The following C1D variants were observed in gnomAD, a reference collection of about 807,000 sequenced individuals.
The protein encoded by C1D is nuclear nucleic acid-binding protein C1D.
A neutral mutation model predicts 17.5 loss-of-function variants in C1D; 10 were observed. That is an observed-to-expected ratio of 0.57 (90% CI 0.35 to 0.97). The LOEUF (loss-of-function observed/expected upper bound fraction) is 0.97, where lower values mean the gene tolerates loss of function less well. C1D is among the 50% of genes least tolerant of loss of function. C1D has a pLI of 0.01. For missense variants in C1D, 136 were observed against 160.1 expected, an observed-to-expected ratio of 0.85 and a Z score of 0.81; for synonymous variants, 49 against 54.0, an observed-to-expected ratio of 0.91 and a Z score of 0.40.
At chr2:68,050,720 T>C (rs564801783) in intron 1 of C1D, among the ~76,000 whole-genome samples, 18 of 152,318 alleles carry the variant, frequency 1.2e-4, no homozygotes, top group Admixed American at 5.9e-4. Context: ...GGGTTTTAAA[T>C]TGCTTTAGTA....
rs113154814 is a variant in C1D, at chr2:68,062,365, T to C, written c.-10+593A>G. ...AAACATTGAGGACATTAAAGCTATTTTGAAACAAGTTTGAGTTACACTGAA... is the reference window on the plus strand; with the variant it reads ...AAACATTGAGGACATTAAAGCTATTCTGAAACAAGTTTGAGTTACACTGAA... On this transcript the variant is annotated intron_variant, in intron 1 of 4. Coordinates refer to ENST00000410067, the MANE Select transcript of C1D (RefSeq NM_173177.3). Among the ~76,000 whole-genome samples the C allele has an allele frequency of 7.1e-3, 1,085 of 152,294 alleles. 12 individuals carry two copies. The highest frequency in any genetic ancestry group is 0.012 in the Non-Finnish European group (835 of 68,024).
intron 1 of C1D, among the ~76,000 whole-genome samples, chr2:68,055,411 A>C (rs1295121158): frequency 6.6e-6 from 1 of 152,140 alleles, no homozygotes; most frequent in Non-Finnish European, 1.5e-5. Flanking sequence ...ACAAATATGG[A>C]GTGAGAAATA....
At chr2:68,048,432 T>C (rs74829184) in intron 1 of C1D, among the ~76,000 whole-genome samples, 23 of 152,302 alleles carry the variant, frequency 1.5e-4, no homozygotes, top group African/African-American at 5.3e-4. Context: ...AGATAAATCA[T>C]TGAATCTCTC....
rs1670964338 is a variant in C1D at position 68,041,746 on chromosome 2, T to C, written c.*1143A>G. 1 of 151,966 alleles carries C rather than the reference T, an allele frequency of 6.6e-6. No individual in the cohort carries two copies. Among genetic ancestry groups the C allele is most frequent in the South Asian group, 2.1e-4 (1 of 4,830 alleles). The allele number at this position is 151,966 out of a possible 1,614,324, so 9.4% of individuals were successfully genotyped here. On this transcript the variant is annotated 3_prime_UTR_variant, in exon 5 of 5. Coordinates refer to ENST00000410067, the MANE Select transcript of C1D (RefSeq NM_173177.3). Reference sequence around the variant, plus strand: ...TATGGAGAATTAATCACACAGAAAATTTTAACAACTCCTTTTTCAAAAATT... The same window carrying C: ...TATGGAGAATTAATCACACAGAAAACTTTAACAACTCCTTTTTCAAAAATT...
intron 1 of C1D, among the ~76,000 whole-genome samples, chr2:68,050,676 ACT>A (rs1222454512): frequency 1.3e-5 from 2 of 151,826 alleles, no homozygotes; most frequent in African/African-American, 4.8e-5. Context: ...GCTGTTCCTG[ACT>A]CTCTTCTCTA....
intron 1 of C1D, among the ~76,000 whole-genome samples, chr2:68,062,221 C>G (rs948689826): frequency 6.6e-6 from 1 of 152,132 alleles, no homozygotes. Context: ...TTTAAAAAAT[C>G]ACGGTTAAGT....
At chr2:68,047,959 T>G (rs1196076275) in intron 1 of C1D, among the ~76,000 whole-genome samples, 1 of 152,130 alleles carries the variant, frequency 6.6e-6, no homozygotes, top group African/African-American at 2.4e-5. Context: ...TAGGAGCATA[T>G]TATATTCAAC....
intron 1 of C1D, among the ~76,000 whole-genome samples, chr2:68,060,090 T>C (rs1671575295): frequency 6.6e-6 from 1 of 152,222 alleles, no homozygotes; most frequent in Non-Finnish European, 1.5e-5. Context: ...ATTCCCTTCT[T>C]CTAGTTGCTC....
At chr2:68,057,874 C>T (rs2103815406) in intron 1 of C1D, among the ~76,000 whole-genome samples, 1 of 152,296 alleles carries the variant, frequency 6.6e-6, no homozygotes, top group South Asian at 2.1e-4. Flanking sequence ...TTCCTCTATT[C>T]TCATGGTACA....
intron 1 of C1D, among the ~76,000 whole-genome samples, chr2:68,061,167 A>G (rs1222560349): frequency 6.6e-6 from 1 of 152,198 alleles, no homozygotes; most frequent in Non-Finnish European, 1.5e-5. Flanking sequence ...CCAGAATTCT[A>G]TTACTGTAAT....
chr2:68,059,747 G>A (rs902784623), intron 1 of C1D, among the ~76,000 whole-genome samples: 3 of 152,144 alleles, frequency 2.0e-5, no homozygotes, highest in African/African-American at 4.8e-5. Context: ...TGCTCAGTCT[G>A]TCTCATTTGG....
rs1201785123 is a variant in C1D at position 68,042,359 on chromosome 2, A to G, written c.*530T>C. 2 of 152,650 alleles carry G rather than the reference A, an allele frequency of 1.3e-5. No homozygotes were observed. The highest frequency in any genetic ancestry group is 4.8e-5 in the African/African-American group (2 of 41,464). 9.5% of individuals were successfully genotyped at this position (152,650 alleles called of 1,614,324 possible). On this transcript the variant is annotated 3_prime_UTR_variant, in exon 5 of 5. Transcript: ENST00000410067. ...ATGCCAAGAATTAAAGTACAACCAT[A>G]AAGTTTTAGTTTCACACTTTGAATA...
intron 1 of C1D, among the ~76,000 whole-genome samples, chr2:68,047,584 T>C (rs1671166311): frequency 6.6e-6 from 1 of 152,210 alleles, no homozygotes; most frequent in Admixed American, 6.5e-5. Flanking sequence ...TGTTTTGTTT[T>C]GTTTTGAGAT....
At chr2:68,062,370 A>G (rs561705240) in intron 1 of C1D, among the ~76,000 whole-genome samples, 1 of 152,356 alleles carries the variant, frequency 6.6e-6, no homozygotes, top group African/African-American at 2.4e-5. Context: ...CTATTTTGAA[A>G]CAAGTTTGAG....
chr2:68,048,194 C>T (rs1671186579), intron 1 of C1D, among the ~76,000 whole-genome samples: 1 of 152,134 alleles, frequency 6.6e-6, no homozygotes, highest in Middle Eastern at 3.2e-3. Context: ...TTTAAAAATT[C>T]ACCTATATCA....
chr2:68,043,172 A>G (rs1572877376), intron 4 of C1D, 119 bp from the exon 5 acceptor site: 1 of 751,082 alleles, frequency 1.3e-6, no homozygotes, highest in Non-Finnish European at 2.1e-6. Flanking sequence ...ATTAAAGTGC[A>G]TGGTGCTAGG....
Position 68,046,049 on chromosome 2 carries a change from A to T in C1D, c.206-6T>A. 6.4e-7 allele frequency: 1 copy of T among 1,570,774 alleles called. No homozygotes were observed. Among genetic ancestry groups the T allele is most frequent in the Non-Finnish European group, 8.7e-7 (1 of 1,154,274 alleles). On this transcript the variant is annotated splice_region_variant and splice_polypyrimidine_tract_variant and intron_variant, in intron 3 of 4. Coordinates refer to ENST00000410067, the MANE Select transcript of C1D (RefSeq NM_173177.3). Reference sequence around the variant, plus strand: ...TCCTTGGGTTGCCAAATAAACTACAAGAGAAAAATTTCATGGAATAAAATG... The same window carrying T: ...TCCTTGGGTTGCCAAATAAACTACATGAGAAAAATTTCATGGAATAAAATG...
At chr2:68,055,773 T>TA (rs1278193987) in intron 1 of C1D, among the ~76,000 whole-genome samples, 2 of 151,220 alleles carry the variant, frequency 1.3e-5, no homozygotes, top group African/African-American at 2.4e-5. Flanking sequence ...TGAATTTGCT[T>TA]AAAAAAAAAG....
At chr2:68,049,762 T>G (rs1211745282) in intron 1 of C1D, among the ~76,000 whole-genome samples, 1 of 152,188 alleles carries the variant, frequency 6.6e-6, no homozygotes, top group Non-Finnish European at 1.5e-5. Context: ...ATAAACATAT[T>G]AGATTATATC....
Sources: allele counts gnomAD v4.1 joint callset (sites outside exome capture counted in the v4.1 genomes callset), GRCh38; gene constraint gnomAD v4.1.1; transcripts MANE v1.5; gene names NCBI Gene and HGNC (gene_info 2026-07-23, HGNC 2026-07-21).